Variants in GSG1L observed in about 807,000 individuals in gnomAD.
GSG1L encodes the protein GSG1 like, also known as germ cell-specific gene 1-like protein.
A neutral mutation model predicts 42.1 loss-of-function variants in GSG1L; 24 were observed. The ratio of observed to expected loss-of-function variants is 0.57; its 90% CI spans 0.41 to 0.80. GSG1L has a LOEUF of 0.80. Ranked by LOEUF, GSG1L falls within the 30% of genes least tolerant of loss-of-function variation. The pLI, the probability that GSG1L is intolerant of heterozygous loss-of-function variation, is 0.00. For synonymous variants in GSG1L, 215 were observed against 203.5 expected, an observed-to-expected ratio of 1.06 and a Z score of -0.48; for missense variants, 445 against 472.2, an observed-to-expected ratio of 0.94 and a Z score of 0.53.
At chr16:28,060,243 C>G (rs1190484082) in intron 1 of GSG1L, among the ~76,000 whole-genome samples, 1 of 151,970 alleles carries the variant, frequency 6.6e-6, no homozygotes, top group Non-Finnish European at 1.5e-5. Context: ...ATAAAATAGT[C>G]ACAGAACCCA....
intron 2 of GSG1L, among the ~76,000 whole-genome samples, chr16:27,886,965 T>C (rs953883181): frequency 7.2e-5 from 11 of 152,172 alleles, no homozygotes; most frequent in African/African-American, 2.6e-4. Flanking sequence ...TTTTTTTCTT[T>C]TTCTTTCTTA....
intron 3 of GSG1L, among the ~76,000 whole-genome samples, chr16:27,865,608 T>C (rs553100211): frequency 4.1e-4 from 56 of 137,938 alleles, no homozygotes; most frequent in Non-Finnish European, 7.3e-4. Flanking sequence ...CACATATATA[T>C]ACACACACAC....
At chr16:27,852,654 G>A (rs919532650) in intron 3 of GSG1L, among the ~76,000 whole-genome samples, 9 of 152,302 alleles carry the variant, frequency 5.9e-5, no homozygotes, top group Admixed American at 5.9e-4. Flanking sequence ...GAGAGATGCT[G>A]CTGCAGGGAT....
intron 5 of GSG1L, among the ~76,000 whole-genome samples, chr16:27,816,515 C>A (rs1164673965): frequency 6.6e-6 from 1 of 152,180 alleles, no homozygotes; most frequent in Non-Finnish European, 1.5e-5. Context: ...ACAGCACCAG[C>A]CCTATTTCGC....
chr16:27,932,841 A>G (rs1567523867), intron 2 of GSG1L, among the ~76,000 whole-genome samples: 2 of 152,170 alleles, frequency 1.3e-5, no homozygotes, highest in Admixed American at 6.5e-5. Flanking sequence ...CACCGCTGCC[A>G]TAAGAATATC....
chr16:27,846,670 C>G (rs996695987), intron 3 of GSG1L, among the ~76,000 whole-genome samples: 2 of 152,072 alleles, frequency 1.3e-5, no homozygotes, highest in African/African-American at 4.8e-5. Context: ...AAAATCTGAC[C>G]CTGGCCGGGC....
chr16:27,805,803 T>C (rs1238554197), intron 6 of GSG1L, among the ~76,000 whole-genome samples: 1 of 149,942 alleles, frequency 6.7e-6, no homozygotes, highest in Non-Finnish European at 1.5e-5. Context: ...TTGGAGGGGT[T>C]TTGCCATTTC....
intron 1 of GSG1L, among the ~76,000 whole-genome samples, chr16:27,997,405 T>C (rs2085528919): frequency 7.2e-6 from 1 of 138,626 alleles, no homozygotes; most frequent in Admixed American, 8.1e-5. Flanking sequence ...CTGCAACCTC[T>C]GCTCCCTGGA....
chr16:27,791,287 C>G lies in GSG1L; in HGVS notation c.*83G>C. On this transcript the variant is annotated 3_prime_UTR_variant, in exon 7 of 7. Transcript: ENST00000447459. The stretch of plus-strand genomic sequence containing the variant: ...AGTTCACGGCACACAGGCCAGGGTT[C>G]TGGGGGCACCACTCTGGTGGTCTTG... The G allele has an allele frequency of 1.1e-6, 1 of 927,718 alleles. No individual in the cohort carries two copies. The highest frequency in any genetic ancestry group is 1.5e-6 in the Non-Finnish European group (1 of 653,092). The allele number at this position is 927,718 out of a possible 1,614,324, so 57.5% of individuals were successfully genotyped here.
At chr16:27,832,702 C>T (rs561188001) in intron 4 of GSG1L, among the ~76,000 whole-genome samples, 9 of 152,284 alleles carry the variant, frequency 5.9e-5, no homozygotes, top group African/African-American at 1.4e-4. Context: ...TTTGCACTTC[C>T]GTAACAGCTA....
intron 6 of GSG1L, among the ~76,000 whole-genome samples, chr16:27,794,214 C>T (rs570100276): frequency 6.6e-6 from 1 of 152,148 alleles, no homozygotes; most frequent in East Asian, 1.9e-4. Context: ...GATGGGGTCT[C>T]GCTCTGTTCC....
Position 27,831,205 on chromosome 16 carries a change from G to A in GSG1L, c.663-2249C>T, listed in dbSNP as rs188801755. 3.7e-3 allele frequency among the ~76,000 whole-genome samples: 569 copies of A among 152,258 alleles called. 2 individuals carry two copies. Among genetic ancestry groups the A allele is most frequent in the Middle Eastern group, 0.01 (3 of 292 alleles). ...GCCAGGAGTTGCTGGGGACCCTCTT[G>A]CCACCACCCAGCCTGAGAATGAAAT... On this transcript the variant is annotated intron_variant, in intron 4 of 6. Transcript: ENST00000447459.
chr16:27,818,058 A>G (rs888105061), intron 5 of GSG1L, among the ~76,000 whole-genome samples: 1 of 152,184 alleles, frequency 6.6e-6, no homozygotes, highest in Non-Finnish European at 1.5e-5. Context: ...GAGATTCTGC[A>G]TTTTGAGCAG....
At chr16:27,813,186 CA>C (rs2083053547) in intron 5 of GSG1L, among the ~76,000 whole-genome samples, 1 of 152,306 alleles carries the variant, frequency 6.6e-6, no homozygotes, top group Admixed American at 6.5e-5. Flanking sequence ...ACTATTTTGT[CA>C]CCCAGGTAAT....
chr16:28,035,621 C>T (rs537411870), intron 1 of GSG1L, among the ~76,000 whole-genome samples: 28 of 152,314 alleles, frequency 1.8e-4, no homozygotes, highest in African/African-American at 6.7e-4. Flanking sequence ...GCCCCGACCT[C>T]CACACAAGGG....
chr16:27,923,749 GAAGA>G (rs757945227), intron 2 of GSG1L, among the ~76,000 whole-genome samples: 2,265 of 138,490 alleles, frequency 0.016, 77 homozygotes, highest in African/African-American at 0.051. Flanking sequence ...AAAAAAAAAG[GAAGA>G]AAGAAAGAAA....
intron 5 of GSG1L, among the ~76,000 whole-genome samples, chr16:27,815,302 T>C (rs1269810674): frequency 1.3e-5 from 2 of 152,176 alleles, no homozygotes; most frequent in African/African-American, 2.4e-5. Flanking sequence ...TAAAGGAGCC[T>C]GGCATCTCCA....
intron 5 of GSG1L, chr16:27,823,924 T>TAA (rs2083177433): frequency 2.8e-6 from 2 of 702,876 alleles, no homozygotes; most frequent in Non-Finnish European, 5.2e-6. Context: ...ACCTGTAAAA[T>TAA]GGAGGTGACA....
At chr16:27,903,900 G>T (rs1052191468) in intron 2 of GSG1L, among the ~76,000 whole-genome samples, 3 of 152,090 alleles carry the variant, frequency 2.0e-5, no homozygotes, top group Admixed American at 6.6e-5. Flanking sequence ...CTGTACAATG[G>T]CCGTTAACTC....
Sources: gnomAD v4.1 joint callset for allele counts (sites outside exome capture counted in the v4.1 genomes callset) on GRCh38, gnomAD v4.1.1 for gene constraint, MANE v1.5 for transcripts, NCBI Gene and HGNC (gene_info 2026-07-23, HGNC 2026-07-21) for gene names.